ARHGEF16: variants seen among roughly 807,000 people sequenced by gnomAD.
ARHGEF16 encodes the protein Rho guanine nucleotide exchange factor 16, also known as Rho guanine exchange factor (GEF) 16.
In ARHGEF16, 59 loss-of-function variants were observed where a neutral mutation model predicts 74.1. The ratio of observed to expected loss-of-function variants is 0.80; its 90% CI spans 0.65 to 0.99. The LOEUF (loss-of-function observed/expected upper bound fraction) is 0.99. ARHGEF16 is among the 50% of genes least tolerant of loss of function. The probability of loss-of-function intolerance (pLI) is 0.00; values close to 1 mark genes in which losing one functional copy is unlikely to be tolerated. For synonymous variants in ARHGEF16, 415 were observed against 412.6 expected (o/e 1.01, Z -0.07); for missense variants, 948 against 986.6 (o/e 0.96, Z 0.52).
At chr1:3,474,479 C>T (rs1639826895) in intron 8 of ARHGEF16, 3 of 516,814 alleles carry the variant, frequency 5.8e-6, no homozygotes, top group African/African-American at 5.7e-5. Flanking sequence ...GGGAAGGGTT[C>T]CAGGCAGGGG....
chr1:3,465,981 C>G, intron 2 of ARHGEF16, 167 bp from the exon 3 acceptor site: 1 of 689,402 alleles, frequency 1.5e-6, no homozygotes, highest in Non-Finnish European at 2.5e-6. Flanking sequence ...CTCCTCCCAC[C>G]TCTCTTGGCC....
chr1:3,454,947 C>T (rs1035720419), intron 1 of ARHGEF16, 136 bp downstream of exon 1: 2 of 152,168 alleles, frequency 1.3e-5, no homozygotes, highest in Non-Finnish European at 2.9e-5. Context: ...CAAGCCCCGC[C>T]CCGGCAGCCG....
chr1:3,463,756 G>A (rs573946985), intron 2 of ARHGEF16, 84 bp downstream of exon 2: 2 of 1,181,746 alleles, frequency 1.7e-6, no homozygotes, highest in South Asian at 2.9e-5. Flanking sequence ...GTCATCTTCT[G>A]CATCATGGCA....
At chr1:3,468,255 G>A (rs535808490) in intron 4 of ARHGEF16, among the ~76,000 whole-genome samples, 13 of 152,242 alleles carry the variant, frequency 8.5e-5, no homozygotes, top group South Asian at 2.1e-4. Flanking sequence ...TGGCCCAGGC[G>A]CTGTTGGCGG....
Position 3,463,469 on chromosome 1 carries a change from A to G in ARHGEF16, c.385A>G (p.Ser129Gly), listed in dbSNP as rs1009645676. The stretch of plus-strand genomic sequence containing the variant: ...GGACCCTAAGCTCCTCCCAGCCCCC[A>G]GCTTCTCCCTGGATGACATGGACGT... The part of the protein sequence containing the change: ...RRDPKLLPAP[S>G]FSLDDMDVDK... The change falls in exon 2 of 15, where the codon AGC (serine) becomes GGC (glycine). Residue 129 changes from serine to glycine, a missense_variant. Ser to Gly is a moderately conservative substitution (Grantham distance 56). Coordinates refer to ENST00000378378, the MANE Select transcript of ARHGEF16 (RefSeq NM_014448.4). 1 of 1,532,158 alleles carries G rather than the reference A, an allele frequency of 6.5e-7. No homozygotes were observed. The highest frequency in any genetic ancestry group is 1.4e-5 in the African/African-American group (1 of 72,282). The allele number at this position is 1,532,158 out of a possible 1,614,324, so 94.9% of individuals were successfully genotyped here. A position where few individuals can be genotyped will look rare whatever the true frequency, so the allele number is the denominator to read the frequency against.
intron 8 of ARHGEF16, 81 bp from the exon 9 acceptor site, chr1:3,474,627 C>A: frequency 7.2e-7 from 1 of 1,382,940 alleles, no homozygotes; most frequent in Non-Finnish European, 1.0e-6. Flanking sequence ...TGCAGCCCCA[C>A]ACGGGGTCTG....
chr1:3,472,755 T>G, intron 6 of ARHGEF16: 10 of 262,860 alleles, frequency 3.8e-5, no homozygotes, highest in East Asian at 8.7e-5. Flanking sequence ...GGACAGGAGG[T>G]CCAAATGGGC....
intron 1 of ARHGEF16, among the ~76,000 whole-genome samples, chr1:3,458,348 T>C (rs527745421): frequency 6.6e-6 from 1 of 152,336 alleles, no homozygotes; most frequent in East Asian, 1.9e-4. Flanking sequence ...CCCACGTGGC[T>C]GCTGCAGGAA....
chr1:3,465,989 G>A, intron 2 of ARHGEF16, 159 bp from the exon 3 acceptor site: 1 of 730,354 alleles, frequency 1.4e-6, no homozygotes, highest in Admixed American at 2.9e-5. Flanking sequence ...ACCTCTCTTG[G>A]CCTCTGCTTG....
At chr1:3,456,597 C>T (rs1639271562) in intron 1 of ARHGEF16, among the ~76,000 whole-genome samples, 1 of 152,232 alleles carries the variant, frequency 6.6e-6, no homozygotes, top group African/African-American at 2.4e-5. Context: ...GGTTTCCTTA[C>T]CTGCCCGGGA....
At chr1:3,470,559 G>A (rs1227400332) in intron 6 of ARHGEF16, among the ~76,000 whole-genome samples, 1 of 150,140 alleles carries the variant, frequency 6.7e-6, no homozygotes, top group African/African-American at 2.5e-5. Flanking sequence ...GGTTATGTGT[G>A]AGTGGGTAGG....
In ARHGEF16 at chr1:3,460,228, C is replaced by T. The variant is rs74531934; in HGVS notation, c.-19-2838C>T. On this transcript the variant is annotated intron_variant, in intron 1 of 14. Transcript: ENST00000378378. ...CCCAGCAATGGCTCAGGCTCTGGCT[C>T]GCCTGACAGGTTCCCGTTTGGGCGC... Among the ~76,000 whole-genome samples the T allele has an allele frequency of 2.0e-4, 31 of 152,312 alleles. No individual in the cohort carries two copies. In the East Asian group the frequency reaches 3.1e-3, roughly 15 times the overall value.
In ARHGEF16 at chr1:3,478,503, C is replaced by CT. The variant is rs1639958949; in HGVS notation, c.1706dup (p.Pro570AlafsTer7). Reference sequence around the variant, plus strand: ...GAAGATAGAGCCGTCTGAGCTCCCTCTGCCCGGGGGCGGCAACCGTAGCTC... The same window carrying CT: ...GAAGATAGAGCCGTCTGAGCTCCCTCTTGCCCGGGGGCGGCAACCGTAGCTC... On this transcript the variant is annotated frameshift_variant, in exon 12 of 15. Coordinates refer to ENST00000378378, the MANE Select transcript of ARHGEF16 (RefSeq NM_014448.4). LOFTEE classifies it high-confidence loss of function. The CT allele has an allele frequency of 6.2e-7, 1 of 1,612,582 alleles. No homozygotes were observed. The highest frequency in any genetic ancestry group is 1.7e-5 in the Admixed American group (1 of 60,010).
chr1:3,456,153 T>A (rs879891879), intron 1 of ARHGEF16, among the ~76,000 whole-genome samples: 1 of 152,054 alleles, frequency 6.6e-6, no homozygotes, highest in Non-Finnish European at 1.5e-5. Flanking sequence ...CTCCCTGAGG[T>A]CGCTGGCTCT....
At chr1:3,462,599 G>A (rs1639426508) in intron 1 of ARHGEF16, among the ~76,000 whole-genome samples, 1 of 152,232 alleles carries the variant, frequency 6.6e-6, no homozygotes, top group Admixed American at 6.5e-5. Context: ...CCACGAGGAA[G>A]TGGTTCCAGG....
At chr1:3,463,734 G>T (rs950891147) in intron 2 of ARHGEF16, 62 bp downstream of exon 2, 31 of 1,290,336 alleles carry the variant, frequency 2.4e-5, no homozygotes, top group Admixed American at 3.3e-5. Flanking sequence ...CGGCCTGGCC[G>T]TCTCCACCAC....
In ARHGEF16 at chr1:3,467,456, G is replaced by A. The variant is rs1440925899; in HGVS notation, c.804+119G>A. 7 of 1,253,750 alleles carry A rather than the reference G, an allele frequency of 5.6e-6. No individual in the cohort carries two copies. In the Admixed American group the frequency reaches 1.4e-4, roughly 25 times the overall value. The allele number at this position is 1,253,750 out of a possible 1,614,324, so 77.7% of individuals were successfully genotyped here. ...CCAGCAGCAGCCCAGTCCTCCCAGGGAGGGTGGGCAGCCTTCCCAGAAGCC... is the reference window on the plus strand; with the variant it reads ...CCAGCAGCAGCCCAGTCCTCCCAGGAAGGGTGGGCAGCCTTCCCAGAAGCC... On this transcript the variant is annotated intron_variant, in intron 4 of 14. Transcript: ENST00000378378.
At chr1:3,456,234 G>C (rs1639261929) in intron 1 of ARHGEF16, among the ~76,000 whole-genome samples, 1 of 152,226 alleles carries the variant, frequency 6.6e-6, no homozygotes, top group Non-Finnish European at 1.5e-5. Context: ...TGAGGAAACT[G>C]AGGCACAGAG....
intron 1 of ARHGEF16, 71 bp from the exon 2 acceptor site, chr1:3,462,995 G>A: frequency 2.7e-6 from 3 of 1,127,544 alleles, no homozygotes; most frequent in South Asian, 1.7e-5. Flanking sequence ...ATGCAAAGGG[G>A]TAGGGGGGTG....
Sources: gnomAD v4.1 joint callset for allele counts (sites outside exome capture counted in the v4.1 genomes callset) on GRCh38, gnomAD v4.1.1 for gene constraint, MANE v1.5 for transcripts, NCBI Gene and HGNC (gene_info 2026-07-23, HGNC 2026-07-21) for gene names.